SHC4: variants seen among roughly 807,000 people sequenced by gnomAD.
SHC4 encodes SHC-transforming protein 4.
A neutral mutation model predicts 69.4 loss-of-function variants in SHC4; 41 were observed. That is an observed-to-expected ratio of 0.59 (90% CI 0.46 to 0.77). The LOEUF (loss-of-function observed/expected upper bound fraction) is 0.77, where lower values mean the gene tolerates loss of function less well. Ranked by LOEUF, SHC4 falls within the 30% of genes least tolerant of loss-of-function variation. SHC4 has a pLI of 0.00. For missense variants in SHC4, 777 were observed against 783.8 expected, an observed-to-expected ratio of 0.99 and a Z score of 0.10; for synonymous variants, 318 against 299.3, an observed-to-expected ratio of 1.06 and a Z score of -0.64.
chr15:48,962,578 CGGTGGA>C lies in SHC4; in HGVS notation c.432_437del (p.Pro145_Pro146del). 1 of 1,612,158 alleles carries C rather than the reference CGGTGGA, an allele frequency of 6.2e-7. No individual in the cohort carries two copies. Among genetic ancestry groups the C allele is most frequent in the Non-Finnish European group, 8.5e-7 (1 of 1,178,872 alleles). The stretch of plus-strand genomic sequence containing the variant: ...CCCTGTGTCCCACCAGGTCCTGCTG[CGGTGGA>C]GGTGCAGTCCCGGACCTACTTAAAC... On this transcript the variant is annotated inframe_deletion, in exon 1 of 12. Transcript: ENST00000332408.
Position 48,884,248 on chromosome 15 carries a change from C to G in SHC4, c.840G>C (p.Gln280His). The G allele has an allele frequency of 1.3e-6, 2 of 1,592,472 alleles. No individual in the cohort carries two copies. Among genetic ancestry groups the G allele is most frequent in the Non-Finnish European group, 1.7e-6 (2 of 1,173,064 alleles). The change falls in exon 4 of 12, where the codon CAG (glutamine) becomes CAC (histidine). Residue 280 changes from glutamine to histidine, a missense_variant and splice_region_variant. Gln to His is a conservative substitution (Grantham distance 24). Transcript: ENST00000332408. ...SLTLMNLDNQ[Q>H]IIANHHMQSI... is the part of the protein sequence containing the mutation. The stretch of plus-strand genomic sequence containing the variant: ...CTATAAATGACATTTGTGATCTTAC[C>G]TGTTGGTTGTCAAGATTCATCAATG...
At chr15:48,901,279 G>A (rs920745407) in intron 2 of SHC4, among the ~76,000 whole-genome samples, 6 of 152,318 alleles carry the variant, frequency 3.9e-5, no homozygotes, top group South Asian at 4.1e-4. Context: ...CTTTGGGGTC[G>A]TGGTCAGTTA....
At chr15:48,933,207 C>T (rs1046306936) in intron 1 of SHC4, among the ~76,000 whole-genome samples, 5 of 152,150 alleles carry the variant, frequency 3.3e-5, no homozygotes, top group Non-Finnish European at 7.4e-5. Context: ...GGAAACCAGA[C>T]CCTGTGATTT....
intron 1 of SHC4, among the ~76,000 whole-genome samples, chr15:48,942,888 G>A (rs2141034792): frequency 6.6e-6 from 1 of 152,240 alleles, no homozygotes; most frequent in African/African-American, 2.4e-5. Context: ...CCTGACCAAT[G>A]GCATTCATGA....
intron 4 of SHC4, chr15:48,878,421 G>A (rs751478270): frequency 5.6e-6 from 9 of 1,612,202 alleles, no homozygotes; most frequent in African/African-American, 1.3e-5. Flanking sequence ...CCCAACGCTG[G>A]GGAGCAGCCA....
intron 5 of SHC4, among the ~76,000 whole-genome samples, chr15:48,868,479 A>G (rs1899604237): frequency 6.6e-6 from 1 of 152,268 alleles, no homozygotes; most frequent in Non-Finnish European, 1.5e-5. Context: ...AGAAGTTCAA[A>G]AAGAGATGCA....
intron 1 of SHC4, among the ~76,000 whole-genome samples, chr15:48,951,876 G>T (rs752722166): frequency 1.3e-5 from 2 of 152,104 alleles, no homozygotes; most frequent in Non-Finnish European, 2.9e-5. Context: ...AATGTGTGTG[G>T]ACATCTTTGC....
rs1898668641 is a variant in SHC4 at position 48,825,468 on chromosome 15, A to G, written c.*503T>C. On this transcript the variant is annotated 3_prime_UTR_variant, in exon 12 of 12. Transcript: ENST00000332408. ...AGTGAAAAATGCTGCTAAACAGAAA[A>G]TGTAATAAAGTCAATAAGGCTCAAG... is the stretch of plus-strand genomic sequence containing the variant. The G allele has an allele frequency of 1.3e-5, 2 of 152,930 alleles. No individual in the cohort carries two copies. The highest frequency in any genetic ancestry group is 6.5e-5 in the Admixed American group (1 of 15,324). 9.5% of individuals were successfully genotyped at this position (152,930 alleles called of 1,614,324 possible). A position where few individuals can be genotyped will look rare whatever the true frequency, so the allele number is the denominator to read the frequency against.
intron 11 of SHC4, among the ~76,000 whole-genome samples, chr15:48,828,107 GTGTGTGTGTA>G (rs1481056244): frequency 8.0e-4 from 41 of 51,200 alleles, no homozygotes; most frequent in African/African-American, 1.6e-3. Context: ...GTGTGTGTGT[GTGTGTGTGTA>G]TATATATATA....
chr15:48,935,701 G>A (rs1315245374), intron 1 of SHC4, among the ~76,000 whole-genome samples: 1 of 152,092 alleles, frequency 6.6e-6, no homozygotes, highest in Non-Finnish European at 1.5e-5. Flanking sequence ...GAAAACCTGG[G>A]CAGGGTTTTG....
At chr15:48,893,544 G>T (rs143798729) in intron 2 of SHC4, among the ~76,000 whole-genome samples, 12 of 152,144 alleles carry the variant, frequency 7.9e-5, no homozygotes, top group Admixed American at 7.9e-4. Flanking sequence ...GCCATAGTTT[G>T]TTGACCCCTG....
intron 4 of SHC4, chr15:48,877,613 G>A (rs779311396): frequency 2.1e-5 from 20 of 959,534 alleles, no homozygotes; most frequent in Non-Finnish European, 2.5e-5. Flanking sequence ...AAAAGAAATG[G>A]GACCAAGTAT....
chr15:48,908,920 T>C (rs1900458710), intron 2 of SHC4, among the ~76,000 whole-genome samples: 3 of 152,242 alleles, frequency 2.0e-5, no homozygotes. Context: ...CCTATTTTTA[T>C]ACCAGTACCA....
intron 8 of SHC4, 97 bp from the exon 9 acceptor site, chr15:48,851,345 A>G: frequency 1.7e-6 from 2 of 1,164,542 alleles, no homozygotes; most frequent in South Asian, 2.7e-5. Flanking sequence ...AATATAGCAG[A>G]CTTCACTTTC....
intron 1 of SHC4, among the ~76,000 whole-genome samples, chr15:48,952,411 G>T (rs1292241619): frequency 6.6e-6 from 1 of 152,128 alleles, no homozygotes; most frequent in East Asian, 1.9e-4. Context: ...CTGTGAAAAT[G>T]AAGTTACTAG....
chr15:48,917,244 TGTGTGTG>T (rs1840588283), intron 2 of SHC4, among the ~76,000 whole-genome samples: 1 of 436 alleles, frequency 2.3e-3, no homozygotes, highest in Non-Finnish European at 0.01. Flanking sequence ...CCTGATTTCT[TGTGTGTG>T]TGTGTGTGTG....
chr15:48,945,091 A>T (rs1901250753), intron 1 of SHC4, among the ~76,000 whole-genome samples: 2 of 152,230 alleles, frequency 1.3e-5, no homozygotes, highest in Admixed American at 6.5e-5. Flanking sequence ...CAGTGGTAAC[A>T]GGTTGTCCTC....
intron 9 of SHC4, among the ~76,000 whole-genome samples, chr15:48,846,003 G>GTT (rs528482337): frequency 3.5e-5 from 5 of 144,846 alleles, no homozygotes; most frequent in African/African-American, 2.5e-5. Context: ...GCTTAAGTCA[G>GTT]TTTTTTTTTT....
At chr15:48,917,471 T>G (rs1900647397) in intron 2 of SHC4, among the ~76,000 whole-genome samples, 1 of 152,222 alleles carries the variant, frequency 6.6e-6, no homozygotes, top group Admixed American at 6.5e-5. Context: ...TCCGGACATT[T>G]TAAAGACAAC....
Sources: gnomAD v4.1 joint callset for allele counts (sites outside exome capture counted in the v4.1 genomes callset) on GRCh38, gnomAD v4.1.1 for gene constraint, MANE v1.5 for transcripts, NCBI Gene and HGNC (gene_info 2026-07-23, HGNC 2026-07-21) for gene names.